Variants in DLG2 observed in about 807,000 individuals in gnomAD.
DLG2 encodes the protein disks large homolog 2.
In DLG2, 45 loss-of-function variants were observed where a neutral mutation model predicts 132.5. That is an observed-to-expected ratio of 0.34 (90% CI 0.27 to 0.44). DLG2 has a LOEUF of 0.44. Ranked by LOEUF, DLG2 falls within the 20% of genes least tolerant of loss-of-function variation. The pLI, the probability that DLG2 is intolerant of heterozygous loss-of-function variation, is 1.00. For synonymous variants in DLG2, 424 were observed against 419.6 expected, an observed-to-expected ratio of 1.01 and a Z score of -0.13; for missense variants, 1,045 against 1,196.9, an observed-to-expected ratio of 0.87 and a Z score of 1.87.
At position 84,054,834 on chromosome 11, in the gene DLG2, T is replaced by C. The variant is rs371490818; in HGVS notation, c.919+4481A>G. Among the ~76,000 whole-genome samples, 29 of 152,204 alleles carry C rather than the reference T, an allele frequency of 1.9e-4. No homozygotes were observed. In the East Asian group the frequency reaches 2.7e-3, roughly 14 times the overall value. Reference sequence around the variant, plus strand: ...CAGCATACAAAGGGATAAATCTGTTTATCCTCTATTCTGTGCAAAAACAAA... The same window carrying C: ...CAGCATACAAAGGGATAAATCTGTTCATCCTCTATTCTGTGCAAAAACAAA... On this transcript the variant is annotated intron_variant, in intron 11 of 27. Transcript: ENST00000376104.
intron 6 of DLG2, among the ~76,000 whole-genome samples, chr11:84,761,084 G>T (rs1174878019): frequency 6.6e-6 from 1 of 152,170 alleles, no homozygotes; most frequent in Non-Finnish European, 1.5e-5. Context: ...AGGGTCCATT[G>T]AGCTGATTAA....
intron 6 of DLG2, among the ~76,000 whole-genome samples, chr11:84,861,630 A>C (rs576192351): frequency 1.1e-4 from 8 of 72,906 alleles, no homozygotes; most frequent in East Asian, 7.0e-4. Context: ...AAAAAAAAAA[A>C]AAAAAAAAAC....
chr11:84,347,853 C>T (rs983236997), intron 7 of DLG2, among the ~76,000 whole-genome samples: 2 of 152,122 alleles, frequency 1.3e-5, no homozygotes, highest in African/African-American at 4.8e-5. Context: ...CTGCTTGTAG[C>T]CTAGATCATC....
intron 4 of DLG2, among the ~76,000 whole-genome samples, chr11:85,256,718 C>G (rs778280161): frequency 6.6e-6 from 1 of 152,032 alleles, no homozygotes; most frequent in African/African-American, 2.4e-5. Flanking sequence ...CTGTCGATGT[C>G]GTGTGAGGGG....
At chr11:85,126,668 A>G (rs1403804473) in intron 5 of DLG2, among the ~76,000 whole-genome samples, 1 of 152,090 alleles carries the variant, frequency 6.6e-6, no homozygotes, top group Non-Finnish European at 1.5e-5. Context: ...CACCTTGCAG[A>G]CATTTGGTTG....
At chr11:84,639,759 T>G (rs530575347) in intron 6 of DLG2, among the ~76,000 whole-genome samples, 32 of 152,198 alleles carry the variant, frequency 2.1e-4, no homozygotes, top group Admixed American at 8.5e-4. Context: ...CAGGGTCATA[T>G]CTGCTTTCTC....
At chr11:84,859,003 T>C (rs1253102932) in intron 6 of DLG2, among the ~76,000 whole-genome samples, 1 of 152,024 alleles carries the variant, frequency 6.6e-6, no homozygotes, top group Non-Finnish European at 1.5e-5. Context: ...TTAATCTTTT[T>C]ATAACTTTTT....
chr11:84,536,975 T>C (rs757960691), intron 6 of DLG2, among the ~76,000 whole-genome samples: 1 of 152,194 alleles, frequency 6.6e-6, no homozygotes, highest in Non-Finnish European at 1.5e-5. Context: ...CAGGGGACTT[T>C]GTGAATCACA....
chr11:84,103,961 G>T (rs1245541010), intron 9 of DLG2, among the ~76,000 whole-genome samples: 2 of 151,694 alleles, frequency 1.3e-5, no homozygotes, highest in African/African-American at 4.8e-5. Context: ...TCGATTCTAG[G>T]ATTTTATCCT....
At chr11:83,620,686 C>T (rs111512408) in intron 19 of DLG2, among the ~76,000 whole-genome samples, 2,423 of 151,176 alleles carry the variant, frequency 0.016, 65 homozygotes, top group African/African-American at 0.057. Context: ...CCGGCTAAAA[C>T]GGTGAAACCC....
At chr11:84,379,510 A>T (rs2098741945) in intron 7 of DLG2, among the ~76,000 whole-genome samples, 1 of 152,136 alleles carries the variant, frequency 6.6e-6, no homozygotes, top group South Asian at 2.1e-4. Context: ...TAAGAAGATG[A>T]GAAATGAGAT....
At chr11:83,731,892 G>T (rs908825550) in intron 18 of DLG2, among the ~76,000 whole-genome samples, 3 of 152,112 alleles carry the variant, frequency 2.0e-5, no homozygotes, top group Non-Finnish European at 4.4e-5. Context: ...CACCAGAAAG[G>T]GTTATCATTA....
chr11:84,813,207 A>C (rs944273782), intron 6 of DLG2, among the ~76,000 whole-genome samples: 2 of 151,862 alleles, frequency 1.3e-5, no homozygotes, highest in Admixed American at 1.3e-4. Context: ...CACACACACA[A>C]ATGTAGGCCT....
chr11:84,879,836 A>T (rs1158009779), intron 6 of DLG2, among the ~76,000 whole-genome samples: 1 of 152,156 alleles, frequency 6.6e-6, no homozygotes, highest in Non-Finnish European at 1.5e-5. Flanking sequence ...AGTGTAAAAG[A>T]TATCAAGCTC....
chr11:85,292,678 G>A (rs185917257), intron 3 of DLG2, among the ~76,000 whole-genome samples: 1,713 of 73,430 alleles, frequency 0.023, 60 homozygotes, highest in East Asian at 0.058. Flanking sequence ...GGGAGGGAGG[G>A]AGGGAGGGAG....
intron 3 of DLG2, among the ~76,000 whole-genome samples, chr11:85,454,742 T>C (rs1459740430): frequency 6.6e-6 from 1 of 152,208 alleles, no homozygotes; most frequent in African/African-American, 2.4e-5. Flanking sequence ...TTCAATCTTC[T>C]GAATATTGCT....
chr11:85,103,951 A>C (rs934463222), intron 6 of DLG2, among the ~76,000 whole-genome samples: 4 of 151,942 alleles, frequency 2.6e-5, no homozygotes. Flanking sequence ...TAATAAGTAC[A>C]TGAAAACACG....
chr11:84,464,750 A>G (rs2099089504), intron 7 of DLG2, among the ~76,000 whole-genome samples: 1 of 151,164 alleles, frequency 6.6e-6, no homozygotes. Context: ...CTTCTGAATG[A>G]AATTCAACAT....
At chr11:83,831,426 T>G (rs1373856016) in intron 17 of DLG2, among the ~76,000 whole-genome samples, 1 of 152,012 alleles carries the variant, frequency 6.6e-6, no homozygotes, top group Non-Finnish European at 1.5e-5. Flanking sequence ...AGGACCACAG[T>G]GACACATACG....
Sources: gnomAD v4.1 joint callset for allele counts (sites outside exome capture counted in the v4.1 genomes callset) on GRCh38, gnomAD v4.1.1 for gene constraint, MANE v1.5 for transcripts, NCBI Gene and HGNC (gene_info 2026-07-23, HGNC 2026-07-21) for gene names.